BCAN: variants seen among roughly 807,000 people sequenced by gnomAD.
The protein encoded by BCAN is brevican core protein.
Under a neutral mutation model 92.4 loss-of-function variants are expected in BCAN, and 51 were observed. The observed-to-expected ratio is 0.55, with a 90% confidence interval of 0.44 to 0.70. The LOEUF (loss-of-function observed/expected upper bound fraction) is 0.70, where lower values mean the gene tolerates loss of function less well. BCAN is among the 30% of genes least tolerant of loss of function. The pLI is 0.00. For synonymous variants in BCAN, 501 were observed against 505.2 expected (o/e 0.99, Z 0.11); for missense variants, 1,140 against 1,212.1 (o/e 0.94, Z 0.88).
At chr1:156,649,085 T>C (rs1357970719) in intron 6 of BCAN, among the ~76,000 whole-genome samples, 2 of 152,230 alleles carry the variant, frequency 1.3e-5, no homozygotes, top group Non-Finnish European at 2.9e-5. Context: ...TTTTGGCCTC[T>C]CCTTATCTGC....
intron 10 of BCAN, 24 bp downstream of exon 10, chr1:156,657,120 G>A: frequency 1.9e-6 from 3 of 1,604,104 alleles, no homozygotes; most frequent in Non-Finnish European, 2.6e-6. Context: ...CAGGGCGGGA[G>A]GGGCCCCTGC....
chr1:156,654,311 C>T (rs1679266637), intron 8 of BCAN, among the ~76,000 whole-genome samples: 2 of 152,156 alleles, frequency 1.3e-5, no homozygotes, highest in African/African-American at 4.8e-5. Context: ...CTGAGTCCCA[C>T]CCAGGCTTAC....
rs1678980040 is a variant in BCAN, at chr1:156,646,668, TGGC to T, written c.92-132_92-130del. 15 of 1,401,992 alleles carry T rather than the reference TGGC, an allele frequency of 1.1e-5. No homozygotes were observed. In the Admixed American group the frequency reaches 1.7e-4, roughly 16 times the overall value. The allele number at this position is 1,401,992 out of a possible 1,614,324, so 86.8% of individuals were successfully genotyped here. A position where few individuals can be genotyped will look rare whatever the true frequency, so the allele number is the denominator to read the frequency against. On this transcript the variant is annotated intron_variant, in intron 2 of 13. Transcript: ENST00000329117. ...CTGCAGGACCCTGGCCCCTGGCCCCTGGCCCCTGGTCCTAGGGGGGCCGGGGAA... is the reference window on the plus strand; with the variant it reads ...CTGCAGGACCCTGGCCCCTGGCCCCTCCCTGGTCCTAGGGGGGCCGGGGAA...
intron 6 of BCAN, among the ~76,000 whole-genome samples, chr1:156,650,373 C>G (rs887748611): frequency 3.9e-5 from 6 of 152,180 alleles, no homozygotes; most frequent in African/African-American, 1.4e-4. Context: ...GGCAGGGACT[C>G]ACTGTCCTGT....
chr1:156,653,995 G>A (rs896365854), intron 8 of BCAN, among the ~76,000 whole-genome samples: 3 of 151,972 alleles, frequency 2.0e-5, no homozygotes, highest in African/African-American at 4.8e-5. Flanking sequence ...AGCAGGGGGT[G>A]GTATCTAACT....
rs1256878214 is a variant in BCAN, at chr1:156,651,446, C to G, written c.1064-10C>G. On this transcript the variant is annotated splice_polypyrimidine_tract_variant and intron_variant, in intron 6 of 13. Transcript: ENST00000329117. ...TTCAGGCTCGCATCAATACTTTCCTCCTGCCACAGACTCGGCCCAGCCTTC... is the reference window on the plus strand; with the variant it reads ...TTCAGGCTCGCATCAATACTTTCCTGCTGCCACAGACTCGGCCCAGCCTTC... 2 of 1,610,088 alleles carry G rather than the reference C, an allele frequency of 1.2e-6. No homozygotes were observed. The highest frequency in any genetic ancestry group is 2.2e-5 in the South Asian group (2 of 90,928).
intron 7 of BCAN, 61 bp downstream of exon 7, chr1:156,651,750 C>G (rs1315561394): frequency 6.9e-7 from 1 of 1,449,030 alleles, no homozygotes; most frequent in Non-Finnish European, 9.4e-7. Context: ...GCAGAAGAGG[C>G]AAGCCCAGGT....
chr1:156,653,006 G>A, intron 8 of BCAN, 114 bp downstream of exon 8: 3 of 1,533,798 alleles, frequency 2.0e-6, no homozygotes, highest in Middle Eastern at 1.8e-4. Flanking sequence ...AAACTCTCCT[G>A]TCCTTTGCCT....
Position 156,648,470 on chromosome 1 carries a change from T to A in BCAN, c.770-98T>A, listed in dbSNP as rs1679056308. ...AGAGTAGTTGACTCCCTGCCACAGA[T>A]GAGGGAACTGGAGAAGCTTGCCCAG... On this transcript the variant is annotated intron_variant, in intron 5 of 13. Transcript: ENST00000329117. 3.9e-6 allele frequency: 5 copies of A among 1,290,608 alleles called. No homozygotes were observed. The Admixed American group carries it at 1.1e-4, about 29-fold the overall frequency. 79.9% of individuals were successfully genotyped at this position (1,290,608 alleles called of 1,614,324 possible). A position where few individuals can be genotyped will look rare whatever the true frequency, so the allele number is the denominator to read the frequency against.
Position 156,648,005 on chromosome 1 carries a change from G to C in BCAN, c.664G>C (p.Glu222Gln). 2 of 1,614,040 alleles carry C rather than the reference G, an allele frequency of 1.2e-6. No homozygotes were observed. Among genetic ancestry groups the C allele is most frequent in the Non-Finnish European group, 1.7e-6 (2 of 1,179,932 alleles). ...TAGGTATCCCATCCAGACCCCACGA[G>C]AGGCCTGTTACGGAGACATGGATGG... is the stretch of plus-strand genomic sequence containing the variant. ...TVRYPIQTPR[E>Q]ACYGDMDGFP... Residue 222 changes from glutamate to glutamine, a missense_variant, in exon 5 of 14, where the codon GAG (glutamate) becomes CAG (glutamine). By Grantham distance (29) the Glu-to-Gln change is conservative. Coordinates refer to ENST00000329117, the MANE Select transcript of BCAN (RefSeq NM_021948.5).
chr1:156,656,741 G>T, intron 9 of BCAN, 197 bp from the exon 10 acceptor site: 2 of 689,384 alleles, frequency 2.9e-6, no homozygotes, highest in Non-Finnish European at 2.3e-6. Flanking sequence ...CTTAGAAAAG[G>T]CACCAGCGCC....
rs375746659 is a variant in BCAN at position 156,658,680 on chromosome 1, C to T, written c.2575C>T (p.Gln859Ter). The T allele has an allele frequency of 1.6e-5, 26 of 1,614,060 alleles. No individual in the cohort carries two copies. The highest frequency in any genetic ancestry group is 2.1e-5 in the Non-Finnish European group (25 of 1,180,054). ...AQRNLPLIRCQENGRWEAPQI... is the reference protein window; with the variant it reads ...AQRNLPLIRC ...GCGCAATCTGCCGCTGATCCGATGC[C>T]AAGAGAACGGTCGTTGGGAGGCCCC... Residue 859 changes from glutamine (Q) to a stop codon, truncating the protein, a stop_gained, in exon 13 of 14, where the codon CAA (glutamine) becomes TAA (stop). Coordinates refer to ENST00000329117, the MANE Select transcript of BCAN (RefSeq NM_021948.5). LOFTEE classifies it high-confidence loss of function. This position sits in a 1 kb window ranked among gnomAD's most constrained non-coding sequence, Gnocchi z 4.4.
chr1:156,646,289 C>A, intron 2 of BCAN, 144 bp downstream of exon 2: 1 of 756,868 alleles, frequency 1.3e-6, no homozygotes, highest in Non-Finnish European at 2.1e-6. Flanking sequence ...AAGGGCTGAG[C>A]TGTGAGCATC....
chr1:156,658,056 C>T lies in BCAN; in HGVS notation c.2293-71C>T. Reference sequence around the variant, plus strand: ...GGGGCCCCGCTCACCAGCCCTCCTCCCCAGATCCTCTAGGCCCTCTCCCGG... The same window carrying T: ...GGGGCCCCGCTCACCAGCCCTCCTCTCCAGATCCTCTAGGCCCTCTCCCGG... On this transcript the variant is annotated intron_variant, in intron 11 of 13. Transcript: ENST00000329117. This position sits in a 1 kb window ranked among gnomAD's most constrained non-coding sequence, Gnocchi z 4.4. 1 of 1,558,836 alleles carries T rather than the reference C, an allele frequency of 6.4e-7. No individual in the cohort carries two copies. The highest frequency in any genetic ancestry group is 2.3e-5 in the East Asian group (1 of 44,426).
intron 8 of BCAN, 134 bp from the exon 9 acceptor site, chr1:156,656,148 C>T: frequency 2.0e-6 from 1 of 497,448 alleles, no homozygotes; most frequent in East Asian, 3.5e-5. Flanking sequence ...CTAGGGAGAA[C>T]TTTTAGGGTG....
In BCAN at chr1:156,646,957, C is replaced by T. The variant is rs759042298; in HGVS notation, c.248C>T (p.Ser83Phe). The part of the protein sequence containing the change: ...GSPRVKWTFL[S>F]RGREAEVLVA... ...CCGCGGGTCAAGTGGACTTTCCTGTCCCGGGGCCGGGAGGCAGAGGTGCTG... is the reference window on the plus strand; with the variant it reads ...CCGCGGGTCAAGTGGACTTTCCTGTTCCGGGGCCGGGAGGCAGAGGTGCTG... Residue 83 changes from serine to phenylalanine, a missense_variant, in exon 3 of 14, where the codon TCC (serine) becomes TTC (phenylalanine). Around this residue, in one of 3 missense-constraint regions of BCAN, gnomAD observed 286 missense variants for 284.1 expected, o/e 1.01. Coordinates refer to ENST00000329117, the MANE Select transcript of BCAN (RefSeq NM_021948.5). 1 of 1,612,894 alleles carries T rather than the reference C, an allele frequency of 6.2e-7. No individual in the cohort carries two copies. Among genetic ancestry groups the T allele is most frequent in the South Asian group, 1.1e-5 (1 of 91,018 alleles).
intron 8 of BCAN, chr1:156,653,374 C>T (rs987968836): frequency 2.0e-6 from 2 of 1,022,400 alleles, no homozygotes; most frequent in Non-Finnish European, 2.3e-6. Context: ...CCCGTACCCC[C>T]ACAGAGCCTT....
intron 9 of BCAN, 66 bp downstream of exon 9, chr1:156,656,455 G>T (rs1185486931): frequency 4.2e-6 from 5 of 1,202,640 alleles, no homozygotes; most frequent in Non-Finnish European, 4.4e-6. Flanking sequence ...TACTTCTGGA[G>T]GGGGGAGGGA....
chr1:156,648,729 G>A lies in BCAN; in HGVS notation c.931G>A (p.Val311Met), dbSNP rs774539912. 5 of 1,613,544 alleles carry A rather than the reference G, an allele frequency of 3.1e-6. No individual in the cohort carries two copies. The African/African-American group carries it at 6.7e-5, about 22-fold the overall frequency. The change falls in exon 6 of 14, where the codon GTG (valine) becomes ATG (methionine). Residue 311 changes from valine (V) to methionine (M), a missense_variant. Physicochemically the swap from Val to Met is conservative, Grantham distance 21. This residue lies in a region of BCAN where 825 missense variants were observed against 871.8 expected (regional missense o/e 0.95). Transcript: ENST00000329117. The part of the protein sequence containing the change: ...CSPGWLADGS[V>M]RYPIVTPSQR... The stretch of plus-strand genomic sequence containing the variant: ...CCCAGGGTGGCTAGCTGATGGCAGT[G>A]TGCGCTACCCCATCGTCACACCCAG...
Sources: allele counts gnomAD v4.1 joint callset (sites outside exome capture counted in the v4.1 genomes callset), GRCh38; gene constraint gnomAD v4.1.1; regional missense constraint gnomAD v4.1.1; non-coding constraint Gnocchi (gnomAD v3.1); transcripts MANE v1.5; gene names NCBI Gene and HGNC (gene_info 2026-07-23, HGNC 2026-07-21).